The following NPAS3 variants were observed in gnomAD, a reference collection of about 807,000 sequenced individuals.
NPAS3 encodes neuronal PAS domain protein 3.
Under a neutral mutation model 73.1 loss-of-function variants are expected in NPAS3, and 14 were observed. That is an observed-to-expected ratio of 0.19 (90% CI 0.13 to 0.30). The LOEUF is 0.30. Among genes scored for constraint, NPAS3 ranks in the 10% least tolerant of loss-of-function variants. The pLI, the probability that NPAS3 is intolerant of heterozygous loss-of-function variation, is 1.00. For synonymous variants in NPAS3, 620 were observed against 541.5 expected, an observed-to-expected ratio of 1.14 and a Z score of -2.01; for missense variants, 1,096 against 1,250.0, an observed-to-expected ratio of 0.88 and a Z score of 1.86.
chr14:33,119,766 G>T (rs897152162), intron 2 of NPAS3, among the ~76,000 whole-genome samples: 4 of 152,086 alleles, frequency 2.6e-5, no homozygotes, highest in Admixed American at 1.3e-4. Context: ...CCCTACTCCC[G>T]CATTACATTT....
At chr14:33,058,974 A>C (rs2040990698) in intron 2 of NPAS3, among the ~76,000 whole-genome samples, 1 of 152,226 alleles carries the variant, frequency 6.6e-6, no homozygotes, top group African/African-American at 2.4e-5. Flanking sequence ...TTGGTCTCTC[A>C]TATTCAGGGA....
At chr14:33,699,572 T>C (rs142514184) in intron 6 of NPAS3, among the ~76,000 whole-genome samples, 1 of 152,282 alleles carries the variant, frequency 6.6e-6, no homozygotes, top group African/African-American at 2.4e-5. Flanking sequence ...TGGCAACAAA[T>C]AGTACTCAAT....
intron 5 of NPAS3, among the ~76,000 whole-genome samples, chr14:33,647,896 G>A (rs963115700): frequency 6.6e-6 from 1 of 152,064 alleles, no homozygotes; most frequent in African/African-American, 2.4e-5. Context: ...CAAATGGCAG[G>A]CCCATTGTAT....
Position 33,675,728 on chromosome 14 carries a change from T to C in NPAS3, c.559-483T>C, listed in dbSNP as rs151107511. Among the ~76,000 whole-genome samples, 54 of 152,300 alleles carry C rather than the reference T, an allele frequency of 3.5e-4. 1 individual carries two copies. In the East Asian group the frequency reaches 6.9e-3, roughly 20 times the overall value. On this transcript the variant is annotated intron_variant, in intron 5 of 11. Transcript: ENST00000356141. ...TTAAATTTACATGGAAATCAGATGA[T>C]ATGTATAAAAACACATCTTGGAAAT...
At chr14:33,175,386 AT>A (rs2045550288) in intron 2 of NPAS3, among the ~76,000 whole-genome samples, 1 of 152,158 alleles carries the variant, frequency 6.6e-6, no homozygotes, top group African/African-American at 2.4e-5. Flanking sequence ...CATTTCCTCA[AT>A]GTTATATTGA....
At chr14:33,028,510 C>A (rs1437474019) in intron 1 of NPAS3, among the ~76,000 whole-genome samples, 1 of 152,176 alleles carries the variant, frequency 6.6e-6, no homozygotes, top group East Asian at 1.9e-4. Flanking sequence ...TACTATTTTT[C>A]TTTTCATGCT....
rs533270045 is a variant in NPAS3 at position 33,707,898 on chromosome 14, A to G, written c.734-27316A>G. 2.3e-3 allele frequency among the ~76,000 whole-genome samples: 351 copies of G among 152,314 alleles called. 1 individual carries two copies. Among genetic ancestry groups the G allele is most frequent in the Non-Finnish European group, 3.4e-3 (233 of 68,026 alleles). The stretch of plus-strand genomic sequence containing the variant: ...GCGTGGCACACAGCACAGTGAGTCA[A>G]TATCTGAACCGGGGGGTGGTGAGGG... On this transcript the variant is annotated intron_variant, in intron 6 of 11. Transcript: ENST00000356141.
At chr14:33,124,569 G>A (rs1044429231) in intron 2 of NPAS3, among the ~76,000 whole-genome samples, 2 of 152,004 alleles carry the variant, frequency 1.3e-5, no homozygotes, top group African/African-American at 4.8e-5. Context: ...TTATTGCTAA[G>A]AAATAAGGAC....
chr14:33,395,995 T>A (rs895383483), intron 4 of NPAS3, among the ~76,000 whole-genome samples: 1 of 152,138 alleles, frequency 6.6e-6, no homozygotes. Flanking sequence ...CTCTCTTAAG[T>A]GGCTTTGCCC....
intron 4 of NPAS3, among the ~76,000 whole-genome samples, chr14:33,475,796 A>C (rs961067911): frequency 2.0e-5 from 3 of 152,166 alleles, no homozygotes; most frequent in African/African-American, 7.2e-5. Context: ...TGCACCTCCC[A>C]CTGAGAGGGA....
chr14:33,358,509 A>C (rs1197678789), intron 3 of NPAS3, among the ~76,000 whole-genome samples: 1 of 152,136 alleles, frequency 6.6e-6, no homozygotes, highest in African/African-American at 2.4e-5. Flanking sequence ...GGTCCTGGCC[A>C]TGATAGTGCA....
chr14:33,008,305 A>G lies in NPAS3; in HGVS notation c.51-47600A>G, dbSNP rs79076576. ...CCCCAGCACTATTTCTTGAGGGATA[A>G]AAAAGCAAGTTATAGAGTAACATAT... On this transcript the variant is annotated intron_variant, in intron 1 of 11. Coordinates refer to ENST00000356141, the Ensembl canonical transcript of NPAS3. 2.6e-5 allele frequency among the ~76,000 whole-genome samples: 4 copies of G among 152,350 alleles called. No homozygotes were observed. The East Asian group carries it at 7.7e-4, about 29-fold the overall frequency.
chr14:33,311,117 T>G (rs1406274866), intron 3 of NPAS3, among the ~76,000 whole-genome samples: 1 of 152,142 alleles, frequency 6.6e-6, no homozygotes, highest in African/African-American at 2.4e-5. Flanking sequence ...CTGAGCTATA[T>G]GGAGTGTCAC....
intron 6 of NPAS3, among the ~76,000 whole-genome samples, chr14:33,717,200 A>T (rs534956614): frequency 7.0e-6 from 1 of 143,408 alleles, no homozygotes; most frequent in African/African-American, 2.6e-5. Context: ...TAACCTAAGC[A>T]TTCTTGGGCT....
chr14:33,317,711 G>T (rs2043266214), intron 3 of NPAS3, among the ~76,000 whole-genome samples: 1 of 152,012 alleles, frequency 6.6e-6, no homozygotes, highest in African/African-American at 2.4e-5. Context: ...CATGATTATA[G>T]GTTTCCTGAG....
At chr14:33,788,244 C>A (rs1463384377) in intron 9 of NPAS3, among the ~76,000 whole-genome samples, 1 of 152,192 alleles carries the variant, frequency 6.6e-6, no homozygotes, top group Admixed American at 6.5e-5. Context: ...TAGCAGAAGG[C>A]ACCTGCTCTC....
At chr14:33,365,580 G>C (rs1257841171) in intron 3 of NPAS3, among the ~76,000 whole-genome samples, 3 of 152,066 alleles carry the variant, frequency 2.0e-5, no homozygotes, top group African/African-American at 7.3e-5. Flanking sequence ...AGATCTCTAA[G>C]ATCCCTTCCA....
intron 4 of NPAS3, among the ~76,000 whole-genome samples, chr14:33,516,923 C>T (rs936069526): frequency 6.6e-6 from 1 of 152,072 alleles, no homozygotes; most frequent in African/African-American, 2.4e-5. Flanking sequence ...TCTCCCTTCT[C>T]TAAACTCATC....
intron 3 of NPAS3, among the ~76,000 whole-genome samples, chr14:33,344,628 CTT>C (rs2044642243): frequency 1.3e-5 from 2 of 152,198 alleles, no homozygotes; most frequent in African/African-American, 4.8e-5. Flanking sequence ...ATTTTTAACT[CTT>C]ATTACTTGTT....
Sources: gnomAD v4.1 joint callset for allele counts (sites outside exome capture counted in the v4.1 genomes callset) on GRCh38, gnomAD v4.1.1 for gene constraint, MANE v1.5 for transcripts, NCBI Gene and HGNC (gene_info 2026-07-23, HGNC 2026-07-21) for gene names.